TRIM62: variants seen among roughly 807,000 people sequenced by gnomAD.
TRIM62 encodes tripartite motif containing 62, also known as E3 ubiquitin-protein ligase TRIM62.
A neutral mutation model predicts 44.2 loss-of-function variants in TRIM62; 39 were observed. The ratio of observed to expected loss-of-function variants is 0.88; its 90% confidence interval spans 0.68 to 1.15. TRIM62 has a LOEUF of 1.15. Among genes scored for constraint, TRIM62 ranks in the 50% most tolerant of loss-of-function variants. TRIM62 has a pLI of 0.00. For missense variants in TRIM62, 544 were observed against 665.5 expected, an observed-to-expected ratio of 0.82 and a Z score of 2.01; for synonymous variants, 278 against 292.3, an observed-to-expected ratio of 0.95 and a Z score of 0.50.
intron 4 of TRIM62, among the ~76,000 whole-genome samples, chr1:33,155,318 T>A (rs1428953828): frequency 2.0e-5 from 3 of 151,938 alleles, no homozygotes; most frequent in Non-Finnish European, 2.9e-5. Context: ...GTGATCCGCC[T>A]GCCTTGCCTC....
At position 33,145,881 on chromosome 1, in the gene TRIM62, ACTCC is replaced by A. The variant is rs760018017; in HGVS notation, c.*1292_*1295del. 50 of 470,772 alleles carry A rather than the reference ACTCC, an allele frequency of 1.1e-4. No homozygotes were observed. The highest frequency in any genetic ancestry group is 2.1e-4 in the Admixed American group (9 of 42,530). The allele number at this position is 470,772 out of a possible 1,614,324, so 29.2% of individuals were successfully genotyped here. On this transcript the variant is annotated 3_prime_UTR_variant, in exon 5 of 5. Coordinates refer to ENST00000291416, the MANE Select transcript of TRIM62 (RefSeq NM_018207.3). ...CTTCTAGGGAAATGACATTTCCCAG[ACTCC>A]CTTGCAGCCAAGGTTCTGGATCTGA...
chr1:33,170,947 C>T (rs530232494), intron 1 of TRIM62, among the ~76,000 whole-genome samples: 27 of 152,328 alleles, frequency 1.8e-4, no homozygotes, highest in African/African-American at 5.8e-4. Context: ...GGAGACAGAG[C>T]GGTCACTGTG....
chr1:33,165,875 G>C lies in TRIM62; in HGVS notation c.409-309C>G, dbSNP rs756288947. The C allele has an allele frequency of 4.4e-6, 1 of 227,788 alleles. No homozygotes were observed. The highest frequency in any genetic ancestry group is 2.3e-5 in the African/African-American group (1 of 44,152). 14.1% of individuals were successfully genotyped at this position (227,788 alleles called of 1,614,324 possible). ...TCCCCACACTTGGCCCTGGATCCCC[G>C]CTTAGAATTAAGGCAGGGGTCTCCA... On this transcript the variant is annotated intron_variant, in intron 1 of 4. Coordinates refer to ENST00000291416, the MANE Select transcript of TRIM62 (RefSeq NM_018207.3). This position sits in a 1 kb window ranked among gnomAD's most constrained non-coding sequence, Gnocchi z 4.0.
chr1:33,165,380 A>AGGCCCCGCCCCTCTTCCCCAGCT lies in TRIM62; in HGVS notation c.504+68_504+90dup, dbSNP rs1645317521. On this transcript the variant is annotated intron_variant, in intron 2 of 4. Transcript: ENST00000291416. This position sits in a 1 kb window ranked among gnomAD's most constrained non-coding sequence, Gnocchi z 4.0. ...AAGCCAGGTTTCCACCGCACACCCG[A>AGGCCCCGCCCCTCTTCCCCAGCT]GGCCCCGCCCCTCTTCCCCAGCTGG... 8.2e-7 allele frequency: 1 copy of AGGCCCCGCCCCTCTTCCCCAGCT among 1,216,980 alleles called. No individual in the cohort carries two copies. The highest frequency in any genetic ancestry group is 1.1e-6 in the Non-Finnish European group (1 of 877,414). 75.4% of individuals were successfully genotyped at this position (1,216,980 alleles called of 1,614,324 possible). A position where few individuals can be genotyped will look rare whatever the true frequency, so the allele number is the denominator to read the frequency against.
Position 33,181,839 on chromosome 1 carries a change from CG to C in TRIM62, c.-408del, listed in dbSNP as rs1557765896. 2.1e-4 allele frequency among the ~76,000 whole-genome samples: 2 copies of C among 9,554 alleles called. No individual in the cohort carries two copies. Among genetic ancestry groups the C allele is most frequent in the African/African-American group, 4.5e-4 (1 of 2,206 alleles). 6.3% of individuals were successfully genotyped at this position (9,554 alleles called of 152,430 possible). A position where few individuals can be genotyped will look rare whatever the true frequency, so the allele number is the denominator to read the frequency against. On this transcript the variant is annotated 5_prime_UTR_variant, in exon 1 of 5. An upstream open reading frame in the 5' UTR gains an earlier in-frame stop. Transcript: ENST00000291416. The surrounding 1 kb of genome is among the most constrained non-coding windows in gnomAD (Gnocchi z 6.5). ...TCGAAATCCCGGGGTGGGGGCGGTG[CG>C]GGGAGGGCGAGAAGCTGGGGATGGG...
intron 4 of TRIM62, 55 bp downstream of exon 4, chr1:33,158,198 G>T: frequency 6.6e-7 from 1 of 1,523,004 alleles, no homozygotes; most frequent in South Asian, 1.1e-5. Flanking sequence ...CAGGGGGCTG[G>T]GCTGTGCTGG....
chr1:33,151,704 C>G (rs972439124), intron 4 of TRIM62, among the ~76,000 whole-genome samples: 1 of 152,216 alleles, frequency 6.6e-6, no homozygotes, highest in East Asian at 1.9e-4. Flanking sequence ...GGCAGCCCGT[C>G]TGGTCTCCAG....
rs1437850877 is a variant in TRIM62, at chr1:33,147,754, G to T, written c.878-27C>A. 1 of 1,595,260 alleles carries T rather than the reference G, an allele frequency of 6.3e-7. No individual in the cohort carries two copies. The highest frequency in any genetic ancestry group is 8.6e-7 in the Non-Finnish European group (1 of 1,168,530). On this transcript the variant is annotated intron_variant, in intron 4 of 4. Coordinates refer to ENST00000291416, the MANE Select transcript of TRIM62 (RefSeq NM_018207.3). This position sits in a 1 kb window ranked among gnomAD's most constrained non-coding sequence, Gnocchi z 8.1. ...TGTGGGGGTTGGAGGAGGGAGAGAA[G>T]ATGAGTGGGGAGAAGGCTGTGGACC...
Position 33,146,973 on chromosome 1 carries a change from A to G in TRIM62, c.*204T>C, listed in dbSNP as rs1645028124. ...TCAAAGCTGTATCCCTATCAAGGTC[A>G]GAGCTACAGAACATCGATGCTGGAA... On this transcript the variant is annotated 3_prime_UTR_variant, in exon 5 of 5. Coordinates refer to ENST00000291416, the MANE Select transcript of TRIM62 (RefSeq NM_018207.3). The G allele has an allele frequency of 3.3e-6, 2 of 610,350 alleles. No individual in the cohort carries two copies. Among genetic ancestry groups the G allele is most frequent in the Admixed American group, 6.0e-5 (2 of 33,596 alleles). 37.8% of individuals were successfully genotyped at this position (610,350 alleles called of 1,614,324 possible). A position where few individuals can be genotyped will look rare whatever the true frequency, so the allele number is the denominator to read the frequency against.
rs1200499097 is a variant in TRIM62 at position 33,177,934 on chromosome 1, G to T, written c.408+3091C>A. 6.6e-6 allele frequency among the ~76,000 whole-genome samples: 1 copy of T among 152,162 alleles called. No homozygotes were observed. Among genetic ancestry groups the T allele is most frequent in the Admixed American group, 6.5e-5 (1 of 15,272 alleles). ...CATGAAGGACCCAAGGCTCAGAGAT[G>T]GTAAATAATCTTCCCAAAGTCACAC... On this transcript the variant is annotated intron_variant, in intron 1 of 4. Transcript: ENST00000291416. This position sits in a 1 kb window ranked among gnomAD's most constrained non-coding sequence, Gnocchi z 4.1.
chr1:33,181,562 G>A lies in TRIM62; in HGVS notation c.-130C>T. 1 of 1,402,124 alleles carries A rather than the reference G, an allele frequency of 7.1e-7. No individual in the cohort carries two copies. Among genetic ancestry groups the A allele is most frequent in the African/African-American group, 1.5e-5 (1 of 66,270 alleles). 86.9% of individuals were successfully genotyped at this position (1,402,124 alleles called of 1,614,324 possible). ...CGCACAGGCAGGGGTAGGAGCTACCGGAGAAGGGAGGGGGTGCTGTCCGGA... is the reference window on the plus strand; with the variant it reads ...CGCACAGGCAGGGGTAGGAGCTACCAGAGAAGGGAGGGGGTGCTGTCCGGA... On this transcript the variant is annotated 5_prime_UTR_variant, in exon 1 of 5. Transcript: ENST00000291416. This position sits in a 1 kb window ranked among gnomAD's most constrained non-coding sequence, Gnocchi z 6.5.
chr1:33,158,287 G>A lies in TRIM62; in HGVS notation c.843C>T (p.Thr281=). ...TSKYTGPLQY[T]IWKSLFQDIH... ...TGTCCTGGAACAGGGACTTCCAGAT[G>A]GTGTACTGCAGGGGGCCTGTGTACT... The change falls in exon 4 of 5, where the codon ACC becomes ACT. Residue 281 remains threonine (T), a synonymous_variant. Coordinates refer to ENST00000291416, the MANE Select transcript of TRIM62 (RefSeq NM_018207.3). 6.2e-7 allele frequency: 1 copy of A among 1,614,076 alleles called. No homozygotes were observed. The highest frequency in any genetic ancestry group is 8.5e-7 in the Non-Finnish European group (1 of 1,179,930).
At chr1:33,170,491 G>C (rs1046103272) in intron 1 of TRIM62, among the ~76,000 whole-genome samples, 44 of 152,044 alleles carry the variant, frequency 2.9e-4, no homozygotes, top group Non-Finnish European at 5.4e-4. Context: ...CCTAGGACAC[G>C]GCCACACACC....
intron 4 of TRIM62, 44 bp downstream of exon 4, chr1:33,158,209 G>T: frequency 6.4e-7 from 1 of 1,573,908 alleles, no homozygotes; most frequent in South Asian, 1.1e-5. Context: ...GCTGTGCTGG[G>T]ACATGCCCCA....
At position 33,180,986 on chromosome 1, in the gene TRIM62, C is replaced by T. The variant is rs765665381; in HGVS notation, c.408+39G>A. 1.1e-5 allele frequency: 13 copies of T among 1,150,690 alleles called. No individual in the cohort carries two copies. The South Asian group carries it at 1.7e-4, about 15-fold the overall frequency. 71.3% of individuals were successfully genotyped at this position (1,150,690 alleles called of 1,614,324 possible). ...CCCCCCGCCCGGCCCCACCTCCAGC[C>T]CGGCCCCGCCCCTTCCCCAGGCAGG... On this transcript the variant is annotated intron_variant, in intron 1 of 4. Coordinates refer to ENST00000291416, the MANE Select transcript of TRIM62 (RefSeq NM_018207.3).
In TRIM62 at chr1:33,159,263, CATAA is replaced by C. The variant is rs1645227249; in HGVS notation, c.761+421_761+424del. 6.6e-6 allele frequency among the ~76,000 whole-genome samples: 1 copy of C among 151,910 alleles called. No homozygotes were observed. The highest frequency in any genetic ancestry group is 1.5e-5 in the Non-Finnish European group (1 of 67,988). ...TAGTAACACGTAATGCCAACATTAT[CATAA>C]ATAAAATAATATGTAATATATTTAT... On this transcript the variant is annotated intron_variant, in intron 3 of 4. Transcript: ENST00000291416. This position sits in a 1 kb window ranked among gnomAD's most constrained non-coding sequence, Gnocchi z 4.2.
At chr1:33,151,949 A>T (rs1645104708) in intron 4 of TRIM62, among the ~76,000 whole-genome samples, 1 of 152,252 alleles carries the variant, frequency 6.6e-6, no homozygotes, top group Non-Finnish European at 1.5e-5. Flanking sequence ...CAGAGGCCTG[A>T]CAGAACATGA....
intron 4 of TRIM62, among the ~76,000 whole-genome samples, chr1:33,149,252 A>G (rs772242599): frequency 2.2e-4 from 33 of 152,324 alleles, no homozygotes; most frequent in South Asian, 4.1e-4. Context: ...TCCCAGGTTC[A>G]AGTGATTCTC....
chr1:33,159,837 C>T lies in TRIM62; in HGVS notation c.612G>A (p.Thr204=), dbSNP rs111872524. The T allele has an allele frequency of 2.1e-5, 34 of 1,613,570 alleles. No homozygotes were observed. The highest frequency in any genetic ancestry group is 2.5e-5 in the Non-Finnish European group (29 of 1,180,014). ...KAMLEELEAD[T]ARTLTDIEQK... Reference sequence around the variant, plus strand: ...GCTCGATGTCGGTCAGCGTGCGGGCCGTGTCCGCCTCCAGCTCCTCTAGCA... The same window carrying T: ...GCTCGATGTCGGTCAGCGTGCGGGCTGTGTCCGCCTCCAGCTCCTCTAGCA... The change falls in exon 3 of 5, where the codon ACG becomes ACA. Residue 204 remains threonine (T), a synonymous_variant. Coordinates refer to ENST00000291416, the MANE Select transcript of TRIM62 (RefSeq NM_018207.3). The surrounding 1 kb of genome is among the most constrained non-coding windows in gnomAD (Gnocchi z 4.2).
Sources: allele counts gnomAD v4.1 joint callset (sites outside exome capture counted in the v4.1 genomes callset), GRCh38; gene constraint gnomAD v4.1.1; non-coding constraint Gnocchi (gnomAD v3.1); transcripts MANE v1.5; gene names NCBI Gene and HGNC (gene_info 2026-07-23, HGNC 2026-07-21).